GABRG3: variants seen among roughly 807,000 people sequenced by gnomAD.
GABRG3 encodes the protein gamma-aminobutyric acid receptor subunit gamma-3.
A neutral mutation model predicts 48.8 loss-of-function variants in GABRG3; 25 were observed. That is an observed-to-expected ratio of 0.51 (90% CI 0.37 to 0.72). The LOEUF is 0.72. Ranked by LOEUF, GABRG3 falls within the 30% of genes least tolerant of loss-of-function variation. The probability of loss-of-function intolerance (pLI) is 0.00; values close to 1 mark genes in which losing one functional copy is unlikely to be tolerated. For missense variants in GABRG3, 394 were observed against 577.9 expected, an observed-to-expected ratio of 0.68 and a Z score of 3.26; for synonymous variants, 227 against 217.6, an observed-to-expected ratio of 1.04 and a Z score of -0.38.
At chr15:27,336,661 G>T (rs1893987210) in intron 5 of GABRG3, among the ~76,000 whole-genome samples, 1 of 152,060 alleles carries the variant, frequency 6.6e-6, no homozygotes, top group African/African-American at 2.4e-5. Context: ...TGCAAGCTTG[G>T]GCATTTATCG....
chr15:27,264,530 C>T (rs1313050149), intron 3 of GABRG3, among the ~76,000 whole-genome samples: 2 of 151,784 alleles, frequency 1.3e-5, no homozygotes, highest in Admixed American at 6.6e-5. Flanking sequence ...AACACAAACA[C>T]TACCCCTAAA....
intron 3 of GABRG3, among the ~76,000 whole-genome samples, chr15:27,090,364 C>T (rs61998099): frequency 0.23 from 34,974 of 152,032 alleles, 4,245 homozygotes; most frequent in Middle Eastern, 0.33. Flanking sequence ...GTGGGTTATC[C>T]GTAGGTAACC....
chr15:27,054,615 T>A (rs1896510540), intron 3 of GABRG3, among the ~76,000 whole-genome samples: 2 of 152,084 alleles, frequency 1.3e-5, no homozygotes, highest in Admixed American at 6.6e-5. Context: ...CCGCCCTGAC[T>A]CCCATACAGA....
At chr15:27,210,988 A>G (rs896393619) in intron 3 of GABRG3, among the ~76,000 whole-genome samples, 1 of 152,220 alleles carries the variant, frequency 6.6e-6, no homozygotes, top group Non-Finnish European at 1.5e-5. Flanking sequence ...AGTAGAAATA[A>G]AAGAGGGGGT....
At chr15:27,479,231 T>C (rs184819146) in intron 5 of GABRG3, among the ~76,000 whole-genome samples, 2 of 152,360 alleles carry the variant, frequency 1.3e-5, no homozygotes, top group East Asian at 3.9e-4. Context: ...AAAGGAAGAA[T>C]TGTAGCATAG....
At chr15:27,362,482 A>G (rs962360285) in intron 5 of GABRG3, 8 of 152,200 alleles carry the variant, frequency 5.3e-5, no homozygotes, top group African/African-American at 1.9e-4. Context: ...GAAAATCAAA[A>G]TGCTGTGACC....
At chr15:27,302,720 T>C (rs113277398) in intron 3 of GABRG3, among the ~76,000 whole-genome samples, 2,071 of 152,084 alleles carry the variant, frequency 0.014, 41 homozygotes, top group Non-Finnish European at 0.014. Context: ...CAAAAATATA[T>C]TCTGGGTCAT....
intron 3 of GABRG3, among the ~76,000 whole-genome samples, chr15:27,036,751 C>G (rs1566916064): frequency 6.6e-6 from 1 of 152,124 alleles, no homozygotes; most frequent in Non-Finnish European, 1.5e-5. Context: ...AAAGGCCAGC[C>G]TTCCTTGACC....
intron 3 of GABRG3, among the ~76,000 whole-genome samples, chr15:27,162,240 A>G (rs1887218177): frequency 6.6e-6 from 1 of 152,208 alleles, no homozygotes; most frequent in Non-Finnish European, 1.5e-5. Flanking sequence ...TTGATTCATT[A>G]GCAAAGCTTT....
chr15:27,171,520 AT>A (rs1451510869), intron 3 of GABRG3, among the ~76,000 whole-genome samples: 2 of 148,788 alleles, frequency 1.3e-5, no homozygotes, highest in East Asian at 1.9e-4. Flanking sequence ...ATATATATAT[AT>A]ATACATATAC....
chr15:27,142,895 C>T (rs1898131204), intron 3 of GABRG3, among the ~76,000 whole-genome samples: 1 of 151,858 alleles, frequency 6.6e-6, no homozygotes, highest in Non-Finnish European at 1.5e-5. Context: ...GGGGGGACTA[C>T]AGGCGTGAGC....
chr15:27,111,189 T>C (rs1897541907), intron 3 of GABRG3, among the ~76,000 whole-genome samples: 2 of 152,226 alleles, frequency 1.3e-5, no homozygotes, highest in African/African-American at 4.8e-5. Flanking sequence ...TCATGAACTT[T>C]TCAGAAGCAT....
intron 3 of GABRG3, among the ~76,000 whole-genome samples, chr15:27,176,045 A>G (rs1354389874): frequency 6.6e-6 from 1 of 152,086 alleles, no homozygotes; most frequent in Non-Finnish European, 1.5e-5. Context: ...AAAAAAAAGA[A>G]AGAAAAAAGA....
chr15:27,491,274 A>C (rs1168824283), intron 6 of GABRG3, among the ~76,000 whole-genome samples: 3 of 152,136 alleles, frequency 2.0e-5, no homozygotes, highest in Non-Finnish European at 4.4e-5. Context: ...GTATCCAAAC[A>C]TTCATTCAGT....
intron 3 of GABRG3, among the ~76,000 whole-genome samples, chr15:27,295,570 G>A (rs1194177125): frequency 6.6e-6 from 1 of 152,160 alleles, no homozygotes; most frequent in Non-Finnish European, 1.5e-5. Flanking sequence ...AATTCACCAT[G>A]GGTAGCCAGG....
chr15:27,369,460 G>A (rs576672714), intron 5 of GABRG3, among the ~76,000 whole-genome samples: 1 of 152,298 alleles, frequency 6.6e-6, no homozygotes, highest in Admixed American at 6.5e-5. Flanking sequence ...CAGCCATGCT[G>A]CCTAAAAACT....
chr15:27,067,947 T>G (rs1347975552), intron 3 of GABRG3, among the ~76,000 whole-genome samples: 2 of 152,188 alleles, frequency 1.3e-5, no homozygotes, highest in Non-Finnish European at 2.9e-5. Flanking sequence ...TATAGAGAAT[T>G]ACTAATAGGC....
intron 5 of GABRG3, among the ~76,000 whole-genome samples, chr15:27,476,436 A>G (rs969824396): frequency 1.3e-5 from 2 of 152,204 alleles, no homozygotes; most frequent in African/African-American, 2.4e-5. Flanking sequence ...TATAACAACT[A>G]GATATCACCA....
intron 6 of GABRG3, among the ~76,000 whole-genome samples, chr15:27,506,815 T>G (rs956476305): frequency 6.6e-5 from 10 of 152,138 alleles, no homozygotes; most frequent in Admixed American, 5.2e-4. Flanking sequence ...TAAATTTCAC[T>G]AACTTCTTTT....
Sources: gnomAD v4.1 joint callset for allele counts (sites outside exome capture counted in the v4.1 genomes callset) on GRCh38, gnomAD v4.1.1 for gene constraint, MANE v1.5 for transcripts, NCBI Gene and HGNC (gene_info 2026-07-23, HGNC 2026-07-21) for gene names.